The following PPARG variants were observed in gnomAD, a reference collection of about 807,000 sequenced individuals.
PPARG encodes the protein peroxisome proliferator activated receptor gamma, also known as peroxisome proliferator-activated receptor gamma.
Under a neutral mutation model 39.2 loss-of-function variants are expected in PPARG, and 17 were observed. That is an observed-to-expected ratio of 0.43 (90% confidence interval 0.30 to 0.65). The LOEUF (loss-of-function observed/expected upper bound fraction) is 0.65. PPARG is among the 30% of genes least tolerant of loss of function. The pLI is 0.13. For missense variants in PPARG, 406 were observed against 585.9 expected, an observed-to-expected ratio of 0.69 and a Z score of 3.17; for synonymous variants, 223 against 215.7, an observed-to-expected ratio of 1.03 and a Z score of -0.30.
intron 2 of PPARG, among the ~76,000 whole-genome samples, chr3:12,338,220 A>C (rs1444385053): frequency 1.3e-5 from 2 of 152,216 alleles, no homozygotes; most frequent in African/African-American, 4.8e-5. Context: ...AAAATGATGA[A>C]AGGCTCAATG....
intron 2 of PPARG, among the ~76,000 whole-genome samples, chr3:12,366,681 G>T (rs866421462): frequency 5.9e-5 from 9 of 151,724 alleles, no homozygotes; most frequent in African/African-American, 2.2e-4. Context: ...TTAGGCTATG[G>T]GTGTGATGGA....
At chr3:12,383,418 T>C (rs1341033277) in intron 4 of PPARG, among the ~76,000 whole-genome samples, 1 of 152,212 alleles carries the variant, frequency 6.6e-6, no homozygotes, top group Admixed American at 6.6e-5. Flanking sequence ...AGATTTTTTA[T>C]TGAATGTTTT....
intron 6 of PPARG, among the ~76,000 whole-genome samples, chr3:12,414,025 T>C (rs1390160234): frequency 6.6e-6 from 1 of 152,072 alleles, no homozygotes; most frequent in African/African-American, 2.4e-5. Context: ...AACAGGAACC[T>C]GGAGCTTTAT....
chr3:12,333,612 C>T (rs891360517), intron 2 of PPARG, among the ~76,000 whole-genome samples: 2 of 152,090 alleles, frequency 1.3e-5, no homozygotes, highest in East Asian at 1.9e-4. Flanking sequence ...GGCTAAGCCA[C>T]GTTCTGAGCT....
chr3:12,341,276 T>C (rs1358486379), intron 2 of PPARG, among the ~76,000 whole-genome samples: 1 of 152,204 alleles, frequency 6.6e-6, no homozygotes, highest in Non-Finnish European at 1.5e-5. Context: ...AAGATGAATT[T>C]GAAATAAAAT....
intron 2 of PPARG, among the ~76,000 whole-genome samples, chr3:12,318,768 A>G (rs1310882874): frequency 3.9e-5 from 6 of 152,226 alleles, no homozygotes; most frequent in African/African-American, 1.4e-4. Context: ...AATAATACAT[A>G]TACAGTGTTA....
chr3:12,408,671 C>T (rs1381312326), intron 6 of PPARG, among the ~76,000 whole-genome samples: 7 of 150,324 alleles, frequency 4.7e-5, no homozygotes, highest in African/African-American at 1.7e-4. Context: ...TCAAGCCGTC[C>T]TCCCACCTCA....
At chr3:12,364,511 A>G (rs1157082099) in intron 2 of PPARG, among the ~76,000 whole-genome samples, 2 of 152,186 alleles carry the variant, frequency 1.3e-5, no homozygotes, top group Non-Finnish European at 2.9e-5. Context: ...GATGCTATAA[A>G]CACCTGTGTG....
At chr3:12,294,318 T>A (rs2046724003) in intron 1 of PPARG, among the ~76,000 whole-genome samples, 1 of 152,226 alleles carries the variant, frequency 6.6e-6, no homozygotes, top group Non-Finnish European at 1.5e-5. Flanking sequence ...ACAGTTATTC[T>A]GAAACATCAA....
At chr3:12,321,401 A>AT (rs1458178107) in intron 2 of PPARG, among the ~76,000 whole-genome samples, 2 of 152,170 alleles carry the variant, frequency 1.3e-5, no homozygotes, top group Non-Finnish European at 2.9e-5. Context: ...AGAATAATTC[A>AT]TTTTTTTGAT....
At chr3:12,287,850 G>GGCGCCC (rs1168258636), upstream of PPARG, 17 of 58,660 alleles carry the variant, frequency 2.9e-4, no homozygotes, top group African/African-American at 9.0e-4. Context: ...ACCCCCAGCC[G>GGCGCCC]GCGCCCGCGC....
At chr3:12,334,110 C>T (rs1257497392) in intron 2 of PPARG, among the ~76,000 whole-genome samples, 2 of 152,128 alleles carry the variant, frequency 1.3e-5, no homozygotes, top group African/African-American at 4.8e-5. Flanking sequence ...TCCTTAAGAG[C>T]AGGCTTATAC....
chr3:12,295,304 A>T (rs1021087849), intron 1 of PPARG, among the ~76,000 whole-genome samples: 14 of 152,214 alleles, frequency 9.2e-5, no homozygotes, highest in African/African-American at 3.4e-4. Context: ...CATAAGAATG[A>T]TGTCAATATA....
intron 2 of PPARG, among the ~76,000 whole-genome samples, chr3:12,373,928 T>G (rs565477162): frequency 4.6e-5 from 7 of 151,162 alleles, no homozygotes; most frequent in Admixed American, 1.3e-4. Context: ...AGGTGAGGAG[T>G]AGGAAGAAGA....
intron 1 of PPARG, among the ~76,000 whole-genome samples, chr3:12,292,805 T>G (rs2124924846): frequency 6.6e-6 from 1 of 152,220 alleles, no homozygotes; most frequent in African/African-American, 2.4e-5. Context: ...GAGGCTTGTG[T>G]GCGTGGGCCC....
chr3:12,400,017 G>GAAA (rs1342005209), intron 5 of PPARG, among the ~76,000 whole-genome samples: 1 of 151,464 alleles, frequency 6.6e-6, no homozygotes, highest in African/African-American at 2.4e-5. Flanking sequence ...AGAGAGATGG[G>GAAA]AAAACAACTT....
intron 2 of PPARG, among the ~76,000 whole-genome samples, chr3:12,321,461 A>G (rs1311377198): frequency 1.3e-5 from 2 of 152,140 alleles, no homozygotes; most frequent in Non-Finnish European, 2.9e-5. Flanking sequence ...GCGGAGGGAG[A>G]CAGAAAATCT....
intron 2 of PPARG, among the ~76,000 whole-genome samples, chr3:12,334,854 T>C (rs1032360159): frequency 2.0e-5 from 3 of 152,218 alleles, no homozygotes; most frequent in African/African-American, 7.2e-5. Context: ...CAATACATTT[T>C]AACATCTTTA....
chr3:12,372,317 A>G (rs2049247370), intron 2 of PPARG, among the ~76,000 whole-genome samples: 3 of 152,216 alleles, frequency 2.0e-5, no homozygotes, highest in Non-Finnish European at 2.9e-5. Flanking sequence ...TATCCAGTGT[A>G]AAGTCACAAG....
Sources: allele counts gnomAD v4.1 joint callset (sites outside exome capture counted in the v4.1 genomes callset), GRCh38; gene constraint gnomAD v4.1.1; transcripts MANE v1.5; gene names NCBI Gene and HGNC (gene_info 2026-07-23, HGNC 2026-07-21).